Variants in EIF4E observed in about 807,000 individuals in gnomAD.
EIF4E encodes eIF-4F 25 kDa subunit.
For synonymous variants in EIF4E, 71 were observed against 88.5 expected, an observed-to-expected ratio of 0.80 and a Z score of 1.11; for missense variants, 113 against 265.6, an observed-to-expected ratio of 0.43 and a Z score of 3.99.
chr4:98,883,426 T>A (rs1185533565), intron 6 of EIF4E, among the ~76,000 whole-genome samples: 6 of 114,264 alleles, frequency 5.3e-5, no homozygotes, highest in African/African-American at 1.6e-4. Context: ...TGTGAGACAG[T>A]CTCGCTCTGT....
rs972916586 is a variant in EIF4E at position 98,897,571 on chromosome 4, CA to C, written c.125+4304del. On this transcript the variant is annotated intron_variant, in intron 2 of 6. Transcript: ENST00000450253. ...ACAAAGTGAAACTCCGTCTTGAGAA[CA>C]AAAAAAAAGGAATGACTTTGATGAG... Among the ~76,000 whole-genome samples, 426 of 149,114 alleles carry C rather than the reference CA, an allele frequency of 2.9e-3. 3 individuals carry two copies. The highest frequency in any genetic ancestry group is 9.4e-3 in the African/African-American group (381 of 40,658).
intron 1 of EIF4E, among the ~76,000 whole-genome samples, chr4:98,925,792 C>G (rs1046571168): frequency 6.6e-6 from 1 of 152,090 alleles, no homozygotes; most frequent in African/African-American, 2.4e-5. Context: ...CACAAACTAG[C>G]TGAAGTAAGA....
At chr4:98,919,431 C>A (rs918076184) in intron 1 of EIF4E, among the ~76,000 whole-genome samples, 2 of 151,342 alleles carry the variant, frequency 1.3e-5, no homozygotes, top group African/African-American at 4.8e-5. Flanking sequence ...TACAGAGCGA[C>A]AAGCTTTTCT....
intron 3 of EIF4E, 68 bp downstream of exon 3, chr4:98,891,169 C>T (rs541200507): frequency 7.8e-6 from 12 of 1,535,412 alleles, no homozygotes; most frequent in South Asian, 1.2e-5. Context: ...TTTGTGAATT[C>T]GACTTAAAAA....
chr4:98,913,262 A>G (rs1459546178), intron 1 of EIF4E, among the ~76,000 whole-genome samples: 1 of 152,144 alleles, frequency 6.6e-6, no homozygotes, highest in Non-Finnish European at 1.5e-5. Context: ...TTATAATTTC[A>G]ATGTAAACTG....
chr4:98,897,826 G>T (rs1028917197), intron 2 of EIF4E, among the ~76,000 whole-genome samples: 1 of 152,176 alleles, frequency 6.6e-6, no homozygotes, highest in Non-Finnish European at 1.5e-5. Context: ...GACGCTTAAT[G>T]AGTTTAGAGG....
At chr4:98,886,463 C>A in intron 5 of EIF4E, 1 of 445,092 alleles carries the variant, frequency 2.2e-6, no homozygotes, top group South Asian at 1.6e-5. Flanking sequence ...CCTGTAATTC[C>A]AGCACTTTGG....
intron 1 of EIF4E, among the ~76,000 whole-genome samples, chr4:98,925,274 A>G (rs1725820842): frequency 6.6e-6 from 1 of 152,248 alleles, no homozygotes; most frequent in African/African-American, 2.4e-5. Context: ...GTTAAGCTAA[A>G]GAAATCAAAA....
chr4:98,917,082 A>AC, intron 1 of EIF4E, among the ~76,000 whole-genome samples: 1 of 105,850 alleles, frequency 9.4e-6, no homozygotes, highest in Non-Finnish European at 1.8e-5. Flanking sequence ...TACCTTTTCT[A>AC]AACACACACA....
rs976432040 is a variant in EIF4E at position 98,879,786 on chromosome 4, T to G, written c.*1242A>C. On this transcript the variant is annotated 3_prime_UTR_variant, in exon 7 of 7. Transcript: ENST00000450253. The stretch of plus-strand genomic sequence containing the variant: ...CCCAATTCTCATGAGTATTAACATA[T>G]TAAGAGAGTACATTATTTACCTAAG... The G allele has an allele frequency of 2.0e-5, 3 of 152,132 alleles. No individual in the cohort carries two copies. The highest frequency in any genetic ancestry group is 2.0e-4 in the Admixed American group (3 of 15,272). 9.4% of individuals were successfully genotyped at this position (152,132 alleles called of 1,614,324 possible).
At chr4:98,896,789 G>C (rs557681623) in intron 2 of EIF4E, among the ~76,000 whole-genome samples, 13 of 151,470 alleles carry the variant, frequency 8.6e-5, no homozygotes, top group African/African-American at 3.2e-4. Flanking sequence ...GCCAGCCTGG[G>C]AAATAGCAAA....
intron 6 of EIF4E, among the ~76,000 whole-genome samples, chr4:98,882,125 G>T (rs1169932140): frequency 1.3e-5 from 2 of 152,144 alleles, no homozygotes; most frequent in African/African-American, 4.8e-5. Context: ...GGGCGCGGTG[G>T]CTCACGCCTG....
At chr4:98,904,547 C>G (rs967882611) in intron 1 of EIF4E, among the ~76,000 whole-genome samples, 1 of 152,084 alleles carries the variant, frequency 6.6e-6, no homozygotes, top group Non-Finnish European at 1.5e-5. Flanking sequence ...AAGGCAAGTG[C>G]ACCACCTGAG....
At chr4:98,884,683 GGACAACAGAGT>G (rs1723841062) in intron 6 of EIF4E, among the ~76,000 whole-genome samples, 1 of 151,968 alleles carries the variant, frequency 6.6e-6, no homozygotes, top group African/African-American at 2.4e-5. Flanking sequence ...TATATAGCCT[GGACAACAGAGT>G]GAGACTCTAT....
chr4:98,915,577 G>T (rs2110215234), intron 1 of EIF4E, among the ~76,000 whole-genome samples: 1 of 147,216 alleles, frequency 6.8e-6, no homozygotes, highest in African/African-American at 2.6e-5. Context: ...GTCTTGCTCT[G>T]TCACCCAGGC....
chr4:98,912,926 G>A (rs2110212064), intron 1 of EIF4E, among the ~76,000 whole-genome samples: 2 of 152,248 alleles, frequency 1.3e-5, no homozygotes, highest in Middle Eastern at 6.8e-3. Flanking sequence ...TATGTGTTTT[G>A]CCGGGTGTGG....
At chr4:98,912,069 A>G (rs1725169033) in intron 1 of EIF4E, among the ~76,000 whole-genome samples, 1 of 151,860 alleles carries the variant, frequency 6.6e-6, no homozygotes, top group South Asian at 2.1e-4. Context: ...CATGACTAAC[A>G]TGGTGAAACC....
At chr4:98,898,102 T>C (rs1243172559) in intron 2 of EIF4E, among the ~76,000 whole-genome samples, 1 of 151,764 alleles carries the variant, frequency 6.6e-6, no homozygotes, top group East Asian at 1.9e-4. Flanking sequence ...TTTGAGCATG[T>C]GTCCTACGAA....
chr4:98,917,975 T>C (rs148825139), intron 1 of EIF4E, among the ~76,000 whole-genome samples: 263 of 151,614 alleles, frequency 1.7e-3, no homozygotes, highest in African/African-American at 6.0e-3. Context: ...ACTTGGGAGG[T>C]TGAGGCAGGA....
Sources: gnomAD v4.1 joint callset for allele counts (sites outside exome capture counted in the v4.1 genomes callset) on GRCh38, gnomAD v4.1.1 for gene constraint, MANE v1.5 for transcripts, NCBI Gene and HGNC (gene_info 2026-07-23, HGNC 2026-07-21) for gene names.